Variants in MGAM observed in about 807,000 individuals in gnomAD.
The protein encoded by MGAM is alpha-1,4-glucosidase.
MGAM carries 253 observed loss-of-function variants against 358.8 expected under a neutral mutation model. That is an observed-to-expected ratio of 0.71 (90% CI 0.64 to 0.78). MGAM has a LOEUF of 0.78. MGAM is among the 30% of genes least tolerant of loss of function. The probability of loss-of-function intolerance (pLI) is 0.00; values close to 1 mark genes in which losing one functional copy is unlikely to be tolerated. For synonymous variants in MGAM, 1,105 were observed against 1,227.1 expected, an observed-to-expected ratio of 0.90 and a Z score of 2.08; for missense variants, 3,080 against 3,432.6, an observed-to-expected ratio of 0.90 and a Z score of 2.57.
rs753196720 is a variant in MGAM, at chr7:142,056,059, T to A, written c.3543T>A (p.Ser1181Arg). The change falls in exon 29 of 71, where the codon AGT becomes AGA. Residue 1181 changes from serine to arginine, a missense_variant. Physicochemically the swap from Ser to Arg is moderately radical, Grantham distance 110. Coordinates refer to ENST00000475668, the MANE Select transcript of MGAM (RefSeq NM_001365693.1). ...ACATGGGGCTGGAGGAGGACGGCAG[T>A]GCCCATGGAGTGCTCCTGCTGAACA... ...PYYMGLEEDG[S>R]AHGVLLLNSN... 1 of 1,611,222 alleles carries A rather than the reference T, an allele frequency of 6.2e-7. No homozygotes were observed. The highest frequency in any genetic ancestry group is 8.5e-7 in the Non-Finnish European group (1 of 1,178,852).
chr7:142,092,880 GT>G (rs1403620689), intron 59 of MGAM, among the ~76,000 whole-genome samples: 1 of 146,608 alleles, frequency 6.8e-6, no homozygotes, highest in Non-Finnish European at 1.5e-5. Flanking sequence ...AGGCTTGTTA[GT>G]TTTTTAGGCT....
intron 4 of MGAM, 33 bp from the exon 5 acceptor site, chr7:142,020,941 A>G: frequency 6.9e-7 from 1 of 1,442,454 alleles, no homozygotes; most frequent in Non-Finnish European, 9.7e-7. Flanking sequence ...TTGCAGAGTC[A>G]ACTATGAAAA....
At chr7:141,994,867 C>T (rs1024143532), upstream of MGAM, among the ~76,000 whole-genome samples, 6 of 152,280 alleles carry the variant, frequency 3.9e-5, no homozygotes, top group South Asian at 2.1e-4. Context: ...CCCACCCTTG[C>T]GGAACTGAGT....
chr7:142,096,493 G>A (rs1815925656), intron 65 of MGAM, 78 bp downstream of exon 65: 1 of 1,461,640 alleles, frequency 6.8e-7, no homozygotes, highest in Non-Finnish European at 9.6e-7. Flanking sequence ...AGAGGCCTGA[G>A]CTGGTGGGGG....
At chr7:142,007,209 C>T (rs920378486) in intron 2 of MGAM, among the ~76,000 whole-genome samples, 19 of 151,994 alleles carry the variant, frequency 1.3e-4, no homozygotes, top group Admixed American at 1.2e-3. Context: ...ATTTTAGTAC[C>T]AAAAATATTT....
intron 22 of MGAM, among the ~76,000 whole-genome samples, chr7:142,048,518 G>GTTTTTTTTTTTTTTTTTTTTTTTTTT (rs1563163868): frequency 1.3e-5 from 2 of 151,672 alleles, no homozygotes; most frequent in Non-Finnish European, 2.9e-5. Flanking sequence ...GTAACCCAAT[G>GTTTTTTTTTTTTTTTTTTTTTTTTTT]TTAATGTCTT....
chr7:142,041,916 CGTATAATATATA>C (rs1330346596), intron 21 of MGAM, among the ~76,000 whole-genome samples: 3 of 21,554 alleles, frequency 1.4e-4, no homozygotes, highest in Non-Finnish European at 1.8e-4. Context: ...TATATATATA[CGTATAATATATA>C]ATATATATAT....
rs529358929 is a variant in MGAM, at chr7:142,069,303, G to A, written c.5061+600G>A. Among the ~76,000 whole-genome samples, 4 of 145,910 alleles carry A rather than the reference G, an allele frequency of 2.7e-5. 2 individuals are homozygous for A. The highest frequency in any genetic ancestry group is 4.4e-4 in the South Asian group (2 of 4,556). On this transcript the variant is annotated intron_variant, in intron 43 of 70. Coordinates refer to ENST00000475668, the MANE Select transcript of MGAM (RefSeq NM_001365693.1). ...AGGAAGCAATGAAGAGCTCCTTGCC[G>A]CATAGTTTCATTGCTAGTATGATTC...
intron 7 of MGAM, 129 bp downstream of exon 7, chr7:142,022,568 C>G: frequency 2.0e-6 from 2 of 995,660 alleles, no homozygotes; most frequent in Non-Finnish European, 2.8e-6. Flanking sequence ...GAATTCTAGT[C>G]TTGCTATTCA....
chr7:142,101,052 T>C (rs931288915), intron 68 of MGAM, among the ~76,000 whole-genome samples, 162 bp downstream of exon 68: 10 of 152,248 alleles, frequency 6.6e-5, no homozygotes, highest in Admixed American at 2.6e-4. Context: ...ATGATCTTTA[T>C]TCCTCATGTA....
At chr7:142,045,531 A>AAT (rs1177302612) in intron 21 of MGAM, among the ~76,000 whole-genome samples, 1,510 of 84,748 alleles carry the variant, frequency 0.018, 300 homozygotes, top group African/African-American at 0.12. Context: ...TATATGATAT[A>AAT]ATATATATTA....
chr7:142,081,743 G>A (rs1814314205), intron 50 of MGAM, among the ~76,000 whole-genome samples: 1 of 145,834 alleles, frequency 6.9e-6, no homozygotes, highest in Admixed American at 6.9e-5. Flanking sequence ...AGGGGTGCAA[G>A]GGTGGAAGGC....
chr7:142,048,348 C>G (rs889146489), intron 22 of MGAM, among the ~76,000 whole-genome samples: 2 of 151,470 alleles, frequency 1.3e-5, no homozygotes, highest in African/African-American at 4.8e-5. Flanking sequence ...TGAGGTTTCA[C>G]CGTGTTAGCC....
At chr7:142,028,532 T>A (rs1174661168) in intron 10 of MGAM, among the ~76,000 whole-genome samples, 1 of 152,184 alleles carries the variant, frequency 6.6e-6, no homozygotes, top group Non-Finnish European at 1.5e-5. Flanking sequence ...ATACTGCATG[T>A]GACTACATGG....
rs1445181027 is a variant in MGAM at position 142,077,978 on chromosome 7, T to A, written c.5494-340T>A. Among the ~76,000 whole-genome samples, 4 of 145,122 alleles carry A rather than the reference T, an allele frequency of 2.8e-5. 1 individual carries two copies. Among genetic ancestry groups the A allele is most frequent in the Non-Finnish European group, 6.2e-5 (4 of 64,128 alleles). On this transcript the variant is annotated intron_variant, in intron 47 of 70. Coordinates refer to ENST00000475668, the MANE Select transcript of MGAM (RefSeq NM_001365693.1). ...ACCATGTGTCATGCTAAAGAGGAAG[T>A]GCAGAAGACACCCTTCCAGACAAGA...
At chr7:142,028,146 C>T (rs1297264858) in intron 10 of MGAM, among the ~76,000 whole-genome samples, 6 of 152,106 alleles carry the variant, frequency 3.9e-5, no homozygotes, top group African/African-American at 1.2e-4. Flanking sequence ...TCTTGCCTTA[C>T]ACATGTTCTT....
At chr7:142,102,281 T>C (rs1472299645) in intron 68 of MGAM, among the ~76,000 whole-genome samples, 1 of 152,190 alleles carries the variant, frequency 6.6e-6, no homozygotes, top group Non-Finnish European at 1.5e-5. Flanking sequence ...CTGGAAATTC[T>C]GAGCTGGTTA....
chr7:142,067,139 C>T (rs62477628), intron 41 of MGAM, among the ~76,000 whole-genome samples: 47,063 of 144,910 alleles, frequency 0.32, 12,352 homozygotes, highest in Middle Eastern at 0.49. Context: ...ACATCTACAT[C>T]CCAGCATTTC....
chr7:142,002,450 A>C (rs1804807954), intron 1 of MGAM, among the ~76,000 whole-genome samples: 1 of 152,200 alleles, frequency 6.6e-6, no homozygotes, highest in South Asian at 2.1e-4. Context: ...TTCATCACAC[A>C]AACAGAATTA....
Sources: gnomAD v4.1 joint callset for allele counts (sites outside exome capture counted in the v4.1 genomes callset) on GRCh38, gnomAD v4.1.1 for gene constraint, MANE v1.5 for transcripts, NCBI Gene and HGNC (gene_info 2026-07-23, HGNC 2026-07-21) for gene names.